The following FRAS1 variants were observed in gnomAD, a reference collection of about 807,000 sequenced individuals.
The protein encoded by FRAS1 is extracellular matrix organizing protein FRAS1.
In FRAS1, 290 loss-of-function variants were observed where a neutral mutation model predicts 435.2. The observed-to-expected ratio is 0.67, with a 90% confidence interval of 0.61 to 0.73. FRAS1 has a LOEUF of 0.73. Among genes scored for constraint, FRAS1 ranks in the 30% least tolerant of loss-of-function variants. The probability of loss-of-function intolerance (pLI) is 0.00; values close to 1 mark genes in which losing one functional copy is unlikely to be tolerated. For synonymous variants in FRAS1, 1,800 were observed against 1,851.0 expected (o/e 0.97, Z 0.71); for missense variants, 4,860 against 5,001.5 (o/e 0.97, Z 0.85).
chr4:78,310,231 C>G (rs972611856), intron 15 of FRAS1, among the ~76,000 whole-genome samples: 3 of 152,144 alleles, frequency 2.0e-5, no homozygotes, highest in Admixed American at 1.3e-4. Flanking sequence ...CTCTAAAGGT[C>G]GACAGATGTC....
intron 2 of FRAS1, among the ~76,000 whole-genome samples, chr4:78,232,644 A>G (rs544050563): frequency 4.1e-4 from 62 of 152,338 alleles, no homozygotes; most frequent in African/African-American, 1.5e-3. Context: ...TTCTGTAAAC[A>G]TAGTTTGACA....
chr4:78,435,638 T>C (rs1354212801), intron 38 of FRAS1, among the ~76,000 whole-genome samples: 3 of 151,864 alleles, frequency 2.0e-5, no homozygotes, highest in Non-Finnish European at 4.4e-5. Context: ...CTCAGGAGGC[T>C]GAGGCATGAG....
At chr4:78,331,885 A>G (rs746686198) in intron 18 of FRAS1, among the ~76,000 whole-genome samples, 33 of 152,226 alleles carry the variant, frequency 2.2e-4, no homozygotes, top group Admixed American at 7.8e-4. Flanking sequence ...GAAGATCAGG[A>G]GACTGTTGCC....
chr4:78,308,454 A>C lies in FRAS1; in HGVS notation c.1678+245A>C, dbSNP rs573618499. ...CTAGCCTTGTCCCGCAGATGAAGAT[A>C]GTGAGGCCCAGGTGGCCTGCTCAAG... is the stretch of plus-strand genomic sequence containing the variant. On this transcript the variant is annotated intron_variant, in intron 15 of 73. Transcript: ENST00000512123. Among the ~76,000 whole-genome samples, 6 of 152,318 alleles carry C rather than the reference A, an allele frequency of 3.9e-5. No individual in the cohort carries two copies. The East Asian group carries it at 1.2e-3, about 29-fold the overall frequency.
intron 35 of FRAS1, 49 bp from the exon 36 acceptor site, chr4:78,429,046 C>CTG (rs3086823): frequency 0.018 from 23,343 of 1,272,514 alleles, 3 homozygotes; most frequent in Non-Finnish European, 0.02. Flanking sequence ...GTGCGTGTCT[C>CTG]TGTGTGTGTG....
chr4:78,093,092 G>A (rs1284570791), intron 2 of FRAS1, among the ~76,000 whole-genome samples: 1 of 152,170 alleles, frequency 6.6e-6, no homozygotes, highest in East Asian at 1.9e-4. Flanking sequence ...GGCAAAACTG[G>A]TTCACCACAG....
At chr4:78,359,450 G>A (rs1730991975) in intron 20 of FRAS1, among the ~76,000 whole-genome samples, 1 of 152,136 alleles carries the variant, frequency 6.6e-6, no homozygotes, top group Admixed American at 6.5e-5. Context: ...GTGTTCCCTA[G>A]GTTTTGGGGA....
At position 78,242,198 on chromosome 4, in the gene FRAS1, T is replaced by G. The variant is rs1422105199; in HGVS notation, c.217-3035T>G. Among the ~76,000 whole-genome samples the G allele has an allele frequency of 2.0e-5, 3 of 152,188 alleles. No homozygotes were observed. In the East Asian group the frequency reaches 5.8e-4, roughly 29 times the overall value. On this transcript the variant is annotated intron_variant, in intron 3 of 73. Transcript: ENST00000512123. ...ATCACTTAGTCAGACTTCCTCAGTCTGTAAATAAAGAAACTGATTTTTAGT... is the reference window on the plus strand; with the variant it reads ...ATCACTTAGTCAGACTTCCTCAGTCGGTAAATAAAGAAACTGATTTTTAGT...
chr4:78,509,475 C>CTTTTTTTTTTTTTTTTTTTTTTTTTT (rs1560418759), intron 63 of FRAS1, among the ~76,000 whole-genome samples: 27 of 152,280 alleles, frequency 1.8e-4, no homozygotes, highest in African/African-American at 5.3e-4. Flanking sequence ...TACCACATTT[C>CTTTTTTTTTTTTTTTTTTTTTTTTTT]TGTAATGCAG....
At position 78,379,864 on chromosome 4, in the gene FRAS1, G is replaced by A; in HGVS notation, c.3431G>A (p.Ser1144Asn). 1.9e-6 allele frequency: 3 copies of A among 1,613,896 alleles called. No homozygotes were observed. Among genetic ancestry groups the A allele is most frequent in the South Asian group, 1.1e-5 (1 of 91,078 alleles). The change falls in exon 27 of 74, where the codon AGC (serine) becomes AAC (asparagine). Residue 1144 changes from serine (S) to asparagine (N), a missense_variant. Ser to Asn is a conservative substitution (Grantham distance 46). Transcript: ENST00000512123. ...RVEDLLFHVVSTPTNGQLVLS... is the reference protein window; with the variant it reads ...RVEDLLFHVVNTPTNGQLVLS... ...GAAGATCTCCTATTTCATGTTGTGA[G>A]CACTCCCACCAATGGTCAGCTAGTG...
At chr4:78,098,824 A>G (rs1741960189) in intron 2 of FRAS1, among the ~76,000 whole-genome samples, 3 of 152,204 alleles carry the variant, frequency 2.0e-5, no homozygotes. Flanking sequence ...TTCAGTTAAT[A>G]TTACTGAGTG....
intron 61 of FRAS1, among the ~76,000 whole-genome samples, 168 bp from the exon 62 acceptor site, chr4:78,507,253 C>T (rs1431612395): frequency 1.3e-5 from 2 of 152,150 alleles, no homozygotes; most frequent in Admixed American, 1.3e-4. Flanking sequence ...AAAAAAGATT[C>T]CTCACTTGAG....
At chr4:78,245,133 A>G (rs1277788101) in intron 3 of FRAS1, 100 bp from the exon 4 acceptor site, 2 of 811,260 alleles carry the variant, frequency 2.5e-6, no homozygotes, top group Non-Finnish European at 4.2e-6. Context: ...TCAGAAACGC[A>G]TGAGATTTAG....
rs770733136 is a variant in FRAS1, at chr4:78,264,880, G to A, written c.604-145G>A. The A allele has an allele frequency of 1.9e-5, 13 of 699,376 alleles. No homozygotes were observed. In the South Asian group the frequency reaches 1.9e-4, roughly 10 times the overall value. 43.3% of individuals were successfully genotyped at this position (699,376 alleles called of 1,614,324 possible). A position where few individuals can be genotyped will look rare whatever the true frequency, so the allele number is the denominator to read the frequency against. ...TTGTTCATTCTTATCAGAGTCCCAG[G>A]TGACTAAGAAATGTTAAATGAGAGG... On this transcript the variant is annotated intron_variant, in intron 6 of 73. Coordinates refer to ENST00000512123, the MANE Select transcript of FRAS1 (RefSeq NM_025074.7).
rs1010973179 is a variant in FRAS1 at position 78,419,474 on chromosome 4, C to T, written c.4540+411C>T. ...AGGATAAGGAGTTCTGCCAGGGAGC[C>T]CAAAGAGGGCTGAGCCACACATATT... On this transcript the variant is annotated intron_variant, in intron 33 of 73. Transcript: ENST00000512123. Among the ~76,000 whole-genome samples, 9 of 152,240 alleles carry T rather than the reference C, an allele frequency of 5.9e-5. No individual in the cohort carries two copies. The South Asian group carries it at 1.9e-3, about 32-fold the overall frequency.
chr4:78,455,940 T>C (rs1719179614), intron 47 of FRAS1, among the ~76,000 whole-genome samples: 1 of 152,092 alleles, frequency 6.6e-6, no homozygotes, highest in South Asian at 2.1e-4. Context: ...AGACATTTGT[T>C]TTCTCTCAGA....
intron 2 of FRAS1, among the ~76,000 whole-genome samples, chr4:78,129,198 A>C (rs1211112824): frequency 1.3e-5 from 2 of 152,174 alleles, no homozygotes; most frequent in Admixed American, 6.5e-5. Flanking sequence ...TGATGCCTCC[A>C]GCTTTGTTCT....
At chr4:78,372,493 T>C (rs1283079675) in intron 23 of FRAS1, among the ~76,000 whole-genome samples, 1 of 152,124 alleles carries the variant, frequency 6.6e-6, no homozygotes, top group Non-Finnish European at 1.5e-5. Context: ...AAGCATAGAG[T>C]GCTCCTTGTA....
At chr4:78,538,376 A>G (rs1721947983) in intron 72 of FRAS1, among the ~76,000 whole-genome samples, 2 of 152,306 alleles carry the variant, frequency 1.3e-5, no homozygotes, top group East Asian at 1.9e-4. Context: ...CTTGAGAAGT[A>G]TTGGGCTAGA....
Sources: allele counts gnomAD v4.1 joint callset (sites outside exome capture counted in the v4.1 genomes callset), GRCh38; gene constraint gnomAD v4.1.1; transcripts MANE v1.5; gene names NCBI Gene and HGNC (gene_info 2026-07-23, HGNC 2026-07-21).